ZRSR2: variants seen among roughly 807,000 people sequenced by gnomAD.
The protein encoded by ZRSR2 is zinc finger CCCH-type, RNA binding motif and serine/arginine rich 2.
ZRSR2 carries 3 observed loss-of-function variants against 39.4 expected under a neutral mutation model. That is an observed-to-expected ratio of 0.08 (90% CI 0.03 to 0.20). ZRSR2 has a LOEUF of 0.20. Ranked by LOEUF, ZRSR2 falls within the 10% of genes least tolerant of loss-of-function variation. The pLI, the probability that ZRSR2 is intolerant of heterozygous loss-of-function variation, is 1.00. For synonymous variants in ZRSR2, 137 were observed against 136.0 expected, an observed-to-expected ratio of 1.01 and a Z score of -0.05; for missense variants, 256 against 391.5, an observed-to-expected ratio of 0.65 and a Z score of 2.92.
chrX:15,797,501 C>T (rs192772491), intron 2 of ZRSR2, among the ~76,000 whole-genome samples: 79 of 112,346 alleles, frequency 7.0e-4, no homozygotes, highest in Admixed American at 5.9e-3. Flanking sequence ...TGAGCCACCA[C>T]GCCCAGCTCT....
chrX:15,811,961 G>A (rs963888360), intron 7 of ZRSR2, among the ~76,000 whole-genome samples: 1 of 110,333 alleles, frequency 9.1e-6, no homozygotes, highest in Non-Finnish European at 1.9e-5. Context: ...ACGGAGTCTC[G>A]CTCTGTCGCC....
intron 8 of ZRSR2, 34 bp downstream of exon 8, chrX:15,815,924 C>T: frequency 1.8e-6 from 2 of 1,133,070 alleles, no homozygotes; most frequent in Non-Finnish European, 2.4e-6. Flanking sequence ...GACTGGTTTG[C>T]TTCACCCTGC....
At chrX:15,801,856 AAAGC>A (rs1251844464) in intron 3 of ZRSR2, 1 of 112,427 alleles carries the variant, frequency 8.9e-6, no homozygotes, top group Non-Finnish European at 1.9e-5. Flanking sequence ...CTATTATTGA[AAAGC>A]AAGAAAATTA....
At chrX:15,815,389 C>T (rs753337472) in intron 7 of ZRSR2, among the ~76,000 whole-genome samples, 30 of 112,635 alleles carry the variant, frequency 2.7e-4, no homozygotes, top group Non-Finnish European at 5.3e-4. Flanking sequence ...CTCCGCCACC[C>T]GGGTTCAAGT....
chrX:15,817,592 T>A (rs1471308831), intron 8 of ZRSR2, among the ~76,000 whole-genome samples: 1 of 111,577 alleles, frequency 9.0e-6, no homozygotes, highest in Non-Finnish European at 1.9e-5. Context: ...GGCAAAAAAA[T>A]TATAAATTCT....
chrX:15,803,354 A>G (rs1157486094), intron 3 of ZRSR2, among the ~76,000 whole-genome samples: 2 of 111,681 alleles, frequency 1.8e-5, no homozygotes, highest in Non-Finnish European at 3.8e-5. Context: ...GAAACTTGCT[A>G]CCCATTTTAT....
At chrX:15,820,379 T>C in intron 10 of ZRSR2, 63 bp downstream of exon 10, 3 of 1,049,051 alleles carry the variant, frequency 2.9e-6, no homozygotes, top group South Asian at 3.9e-5. Flanking sequence ...GGGATATTCT[T>C]TGGGGGAAAC....
At chrX:15,801,151 A>G (rs1601812103) in intron 3 of ZRSR2, 1 of 123,858 alleles carries the variant, frequency 8.1e-6, no homozygotes, top group Non-Finnish European at 1.7e-5. Flanking sequence ...GTATCTTTTT[A>G]TATGTTTTAT....
intron 2 of ZRSR2, among the ~76,000 whole-genome samples, chrX:15,798,953 C>G (rs943828192): frequency 9.0e-6 from 1 of 111,175 alleles, no homozygotes; most frequent in Non-Finnish European, 1.9e-5. Flanking sequence ...TTTGGGAGGC[C>G]GAGGCAGGCG....
chrX:15,815,128 G>A (rs763205469), intron 7 of ZRSR2, among the ~76,000 whole-genome samples: 22 of 111,942 alleles, frequency 2.0e-4, no homozygotes, highest in Non-Finnish European at 3.9e-4. Flanking sequence ...TATGAACTTT[G>A]AAATGTTTCC....
chrX:15,796,636 TAA>T (rs1444138574), intron 2 of ZRSR2, among the ~76,000 whole-genome samples: 1 of 111,344 alleles, frequency 9.0e-6, no homozygotes, highest in Admixed American at 9.6e-5. Flanking sequence ...TCTATAAATA[TAA>T]GTTTTGATAA....
chrX:15,822,135 C>T (rs1352064717), intron 10 of ZRSR2, among the ~76,000 whole-genome samples: 3 of 110,385 alleles, frequency 2.7e-5, no homozygotes, highest in East Asian at 2.8e-4. Flanking sequence ...GGATTACAAG[C>T]GCCTGCCACC....
chrX:15,808,039 C>CA (rs57639759), intron 5 of ZRSR2, among the ~76,000 whole-genome samples, 194 bp from the exon 6 acceptor site: 24 of 104,815 alleles, frequency 2.3e-4, no homozygotes, highest in Non-Finnish European at 4.5e-4. Context: ...GACCCTGTCT[C>CA]AAAAAAAAAA....
At chrX:15,819,569 T>G (rs1016365802) in intron 9 of ZRSR2, among the ~76,000 whole-genome samples, 1 of 110,583 alleles carries the variant, frequency 9.0e-6, no homozygotes, top group Non-Finnish European at 1.9e-5. Context: ...AGAGTGAGAG[T>G]AAGACTCCAT....
rs1933159515 is a variant in ZRSR2, at chrX:15,823,097, G to A, written c.1304G>A (p.Arg435Gln). 3 of 1,205,900 alleles carry A rather than the reference G, an allele frequency of 2.5e-6. No individual in the cohort carries two copies. The highest frequency in any genetic ancestry group is 2.2e-5 in the Admixed American group (1 of 45,472). Residue 435 changes from arginine to glutamine, a missense_variant, in exon 11 of 11, where the codon CGG (arginine) becomes CAG (glutamine). Physicochemically the swap from Arg to Gln is conservative, Grantham distance 43. Transcript: ENST00000307771. ...RNRDRSRDRSRGRGSRSRSRS... is the reference protein window; with the variant it reads ...RNRDRSRDRSQGRGSRSRSRS... Reference sequence around the variant, plus strand: ...AGGGACCGCAGCAGGGACCGCAGCCGGGGCCGGGGCAGCCGGAGCCGGAGC... The same window carrying A: ...AGGGACCGCAGCAGGGACCGCAGCCAGGGCCGGGGCAGCCGGAGCCGGAGC...
chrX:15,820,115 C>T (rs1933067630), intron 9 of ZRSR2, 92 bp from the exon 10 acceptor site: 2 of 784,734 alleles, frequency 2.5e-6, no homozygotes, highest in Non-Finnish European at 3.8e-6. Context: ...GGTGGTCCTA[C>T]AATAAATTAA....
intron 7 of ZRSR2, among the ~76,000 whole-genome samples, chrX:15,811,456 C>T (rs191040674): frequency 3.7e-4 from 39 of 105,276 alleles, no homozygotes; most frequent in African/African-American, 1.2e-3. Flanking sequence ...GACGGAGTCT[C>T]GCCCTGTCAC....
chrX:15,792,899 T>A lies in ZRSR2; in HGVS notation c.121+1886T>A, dbSNP rs894510997. Among the ~76,000 whole-genome samples, 13 of 112,564 alleles carry A rather than the reference T, an allele frequency of 1.2e-4. No homozygotes were observed. In the Admixed American group the frequency reaches 1.2e-3, roughly 11 times the overall value. ...CATGGCCTCAAGTAACTAGGATTCT[T>A]GGACCTTGAGAAACATAGCCATAGA... is the stretch of plus-strand genomic sequence containing the variant. On this transcript the variant is annotated intron_variant, in intron 2 of 10. Coordinates refer to ENST00000307771, the MANE Select transcript of ZRSR2 (RefSeq NM_005089.4).
chrX:15,796,849 A>G (rs781305225), intron 2 of ZRSR2, among the ~76,000 whole-genome samples: 1 of 82,998 alleles, frequency 1.2e-5, no homozygotes, highest in African/African-American at 4.9e-5. Context: ...GCTAGGGTGC[A>G]GTGGTGCAAT....
Sources: allele counts gnomAD v4.1 joint callset (sites outside exome capture counted in the v4.1 genomes callset), GRCh38; gene constraint gnomAD v4.1.1; transcripts MANE v1.5; gene names NCBI Gene and HGNC (gene_info 2026-07-23, HGNC 2026-07-21).